Variants in FLNA observed in about 807,000 individuals in gnomAD.
FLNA encodes filamin-A.
A neutral mutation model predicts 157.6 loss-of-function variants in FLNA; 7 were observed. That is an observed-to-expected ratio of 0.04 (90% CI 0.03 to 0.08). The LOEUF is 0.08. Ranked by LOEUF, FLNA falls within the 10% of genes least tolerant of loss-of-function variation. FLNA has a pLI of 1.00. For missense variants in FLNA, 1,750 were observed against 2,398.4 expected (o/e 0.73, Z 5.65); for synonymous variants, 1,103 against 1,060.8 (o/e 1.04, Z -0.77).
chrX:154,365,407 G>A lies in FLNA; in HGVS notation c.1509C>T (p.Phe503=), dbSNP rs1603362631. The change falls in exon 10 of 48, where the codon TTC becomes TTT. Residue 503 remains phenylalanine (F), a synonymous_variant. Transcript: ENST00000369850. ...KGVRVKETAD[F]KVYTKGAGSG... ...TGCCAGCGCCCTTTGTGTACACCTT[G>A]AAGTCAGCTGTCTCCTTCACCCGCA... 8.3e-7 allele frequency: 1 copy of A among 1,211,655 alleles called. No homozygotes were observed. Among genetic ancestry groups the A allele is most frequent in the Non-Finnish European group, 1.1e-6 (1 of 895,415 alleles).
In FLNA at chrX:154,361,518, A is replaced by G. The variant is rs781991719; in HGVS notation, c.2997T>C (p.Gly999=). The change falls in exon 21 of 48, where the codon GGT becomes GGC. Residue 999 remains glycine (G), a synonymous_variant. Coordinates refer to ENST00000369850, the MANE Select transcript of FLNA (RefSeq NM_001110556.2). The stretch of plus-strand genomic sequence containing the variant: ...TCTTGGATGCCACTTTGCCTTGACC[A>G]CCAGCACCCTTTGATTTGACTGTGA... ...QEFTVKSKGA[G]GQGKVASKIV... is the part of the protein sequence containing the mutation. 2 of 1,211,380 alleles carry G rather than the reference A, an allele frequency of 1.7e-6. No homozygotes were observed. Among genetic ancestry groups the G allele is most frequent in the Non-Finnish European group, 2.2e-6 (2 of 895,348 alleles).
Position 154,350,984 on chromosome X carries a change from T to C in FLNA, c.7081A>G (p.Lys2361Glu). ...TGCACCTTGGCATCGATCGCCCCCT[T>C]GGCCCCGTTCAGGCTGACTGCAAAA... The part of the protein sequence containing the change: ...ASFAVSLNGA[K>E]GAIDAKVHSP... Residue 2361 changes from lysine (K) to glutamate (E), a missense_variant, in exon 44 of 48, where the codon AAG becomes GAG. Lys to Glu is a moderately conservative substitution (Grantham distance 56). Coordinates refer to ENST00000369850, the MANE Select transcript of FLNA (RefSeq NM_001110556.2). The C allele has an allele frequency of 1.7e-6, 2 of 1,211,353 alleles. No individual in the cohort carries two copies. Among genetic ancestry groups the C allele is most frequent in the Non-Finnish European group, 2.2e-6 (2 of 895,016 alleles).
At chrX:154,362,171 G>A (rs1189189575) in intron 18 of FLNA, 23 bp from the exon 19 acceptor site, 2 of 1,208,804 alleles carry the variant, frequency 1.7e-6, no homozygotes, top group Admixed American at 4.4e-5. Context: ...CAGGGACCAT[G>A]TAGGGGCACC....
chrX:154,365,530 C>T (rs375670624), intron 9 of FLNA, 44 bp from the exon 10 acceptor site: 6 of 1,197,513 alleles, frequency 5.0e-6, no homozygotes, highest in Non-Finnish European at 4.5e-6. Flanking sequence ...CTCGGCTGGG[C>T]GACCCCTCCC....
Position 154,352,231 on chromosome X carries a change from T to C in FLNA, c.6719A>G (p.Lys2240Arg), listed in dbSNP as rs797045581. 7 of 1,210,128 alleles carry C rather than the reference T, an allele frequency of 5.8e-6. No individual in the cohort carries two copies. The highest frequency in any genetic ancestry group is 1.7e-5 in the African/African-American group (1 of 57,585). The change falls in exon 41 of 48, where the codon AAG becomes AGG. Residue 2240 changes from lysine (K) to arginine (R), a missense_variant. Physicochemically the swap from Lys to Arg is conservative, Grantham distance 26. This residue lies in a region of FLNA where 970 missense variants were observed against 1,302.6 expected (regional missense o/e 0.74). Coordinates refer to ENST00000369850, the MANE Select transcript of FLNA (RefSeq NM_001110556.2). Reference protein sequence around the residue: ...VGPLGEGGAHKVRAGGPGLER... With the variant: ...VGPLGEGGAHRVRAGGPGLER... ...CAGGCCAGGGCCCCCAGCTCGGACC[T>C]TGTGGGCTCCCCCTTCCCCTAGGGG...
chrX:154,368,685 A>C (rs1330825841), intron 2 of FLNA, among the ~76,000 whole-genome samples: 5 of 112,103 alleles, frequency 4.5e-5, no homozygotes, highest in African/African-American at 1.6e-4. Context: ...CCCCGCCACC[A>C]CCCCCACTTC....
In FLNA at chrX:154,357,594, G is replaced by A. The variant is rs782499953; in HGVS notation, c.4785C>T (p.His1595=). 4.1e-6 allele frequency: 5 copies of A among 1,212,160 alleles called. No homozygotes were observed. The South Asian group carries it at 8.8e-5, about 21-fold the overall frequency. ...TDPEGKPKKT[H]IQDNHDGTYT... ...ACGTGCCGTCATGGTTGTCTTGGAT[G>A]TGTGTCTTCTTCGGCTTGCCTTCGG... is the stretch of plus-strand genomic sequence containing the variant. Residue 1595 remains histidine, a synonymous_variant, in exon 29 of 48, where the codon CAC becomes CAT. Transcript: ENST00000369850.
Position 154,359,292 on chromosome X carries a change from A to G in FLNA, c.4257T>C (p.Ala1419=). ...SCSVEYIPYE[A]GTYSLNVTYG... ...AGGTGACGTTGAGGCTGTAGGTGCC[A>G]GCCTCATAAGGGATGTACTCGACCG... The change falls in exon 25 of 48, where the codon GCT becomes GCC. Residue 1419 remains alanine, a synonymous_variant. Coordinates refer to ENST00000369850, the MANE Select transcript of FLNA (RefSeq NM_001110556.2). The G allele has an allele frequency of 8.3e-7, 1 of 1,211,379 alleles. No individual in the cohort carries two copies. The highest frequency in any genetic ancestry group is 1.1e-6 in the Non-Finnish European group (1 of 895,541).
rs782031641 is a variant in FLNA at position 154,354,221 on chromosome X, G to A, written c.5487C>T (p.Thr1829=). ...TITDNKDGTV[T]VRYAPSEAGL... is the part of the protein sequence containing the mutation. ...CAGCCTCGCTGGGTGCATACCGCAC[G>A]GTCACGGTGCCGTCTTTGTTGTCAG... Residue 1829 remains threonine, a synonymous_variant, in exon 34 of 48, where the codon ACC becomes ACT. Transcript: ENST00000369850. 14 of 1,210,654 alleles carry A rather than the reference G, an allele frequency of 1.2e-5. No individual in the cohort carries two copies. The highest frequency in any genetic ancestry group is 7.0e-5 in the South Asian group (4 of 56,929).
At position 154,349,390 on chromosome X, in the gene FLNA, G is replaced by T; in HGVS notation, c.7728C>A (p.Ser2576Arg). 1 of 1,211,826 alleles carries T rather than the reference G, an allele frequency of 8.3e-7. No individual in the cohort carries two copies. Among genetic ancestry groups the T allele is most frequent in the Non-Finnish European group, 1.1e-6 (1 of 895,431 alleles). ...CTTTGCTGCAGTCTACTGTGAAGCT[G>T]CTCTTCTGGCCTACGTAGGCCTTGC... ...GLSKAYVGQKSSFTVDCSKAG... is the reference protein window; with the variant it reads ...GLSKAYVGQKRSFTVDCSKAG... Residue 2576 changes from serine to arginine, a missense_variant, in exon 47 of 48, where the codon AGC becomes AGA. This residue lies in a region of FLNA where 970 missense variants were observed against 1,302.6 expected (regional missense o/e 0.74). Transcript: ENST00000369850.
Position 154,353,429 on chromosome X carries a change from T to C in FLNA, c.5889A>G (p.Leu1963=), listed in dbSNP as rs1473446997. The C allele has an allele frequency of 3.3e-6, 4 of 1,211,596 alleles. No individual in the cohort carries two copies. In the Admixed American group the frequency reaches 8.7e-5, roughly 26 times the overall value. Reference sequence around the variant, plus strand: ...GGATGTCGGCAGCAGAGCCGACCTTTAGGTGGGACATACGCATGGAGTCGT... The same window carrying C: ...GGATGTCGGCAGCAGAGCCGACCTTCAGGTGGGACATACGCATGGAGTCGT... ...TGDDSMRMSH[L]KVGSAADIPI... Residue 1963 remains leucine (L), a synonymous_variant, in exon 37 of 48, where the codon CTA becomes CTG. Transcript: ENST00000369850.
Position 154,371,189 on chromosome X carries a change from G to A in FLNA, c.57C>T (p.Gly19=). The A allele has an allele frequency of 4.2e-6, 5 of 1,193,498 alleles. No homozygotes were observed. Among genetic ancestry groups the A allele is most frequent in the Non-Finnish European group, 5.6e-6 (5 of 886,995 alleles). The change falls in exon 2 of 48, where the codon GGC becomes GGT. Residue 19 remains glycine, a synonymous_variant. Coordinates refer to ENST00000369850, the MANE Select transcript of FLNA (RefSeq NM_001110556.2). ...TCTCGGCGTCCCGCGTGTCGACGCC[G>A]CCGCCCGGAGCCGCGCCTGCTGCGC... ...GQSAAGAAPG[G]GVDTRDAEMP...
Position 154,358,576 on chromosome X carries a change from C to T in FLNA, c.4475-8G>A, listed in dbSNP as rs1424961378. On this transcript the variant is annotated splice_polypyrimidine_tract_variant and splice_region_variant and intron_variant, in intron 26 of 47. Coordinates refer to ENST00000369850, the MANE Select transcript of FLNA (RefSeq NM_001110556.2). ...CCACTGGCTCCACCAGGCCTGGCCC[C>T]AGCCCCAGGGACAGAGCATCAGCTA... is the stretch of plus-strand genomic sequence containing the variant. The T allele has an allele frequency of 1.7e-6, 2 of 1,207,226 alleles. No individual in the cohort carries two copies. Among genetic ancestry groups the T allele is most frequent in the Non-Finnish European group, 2.2e-6 (2 of 894,447 alleles).
In FLNA at chrX:154,350,890, G is replaced by A; in HGVS notation, c.7156+19C>T. The A allele has an allele frequency of 8.3e-7, 1 of 1,209,046 alleles. No individual in the cohort carries two copies. Among genetic ancestry groups the A allele is most frequent in the Non-Finnish European group, 1.1e-6 (1 of 893,046 alleles). The stretch of plus-strand genomic sequence containing the variant: ...TCCAGCCAGCAGGGCAGGGCGGCCG[G>A]GCAGGGACAGGGCCTCACCTTGGTC... On this transcript the variant is annotated intron_variant, in intron 44 of 47. Transcript: ENST00000369850.
intron 1 of FLNA, among the ~76,000 whole-genome samples, chrX:154,372,230 G>A (rs1344049215): frequency 8.8e-6 from 1 of 113,411 alleles, no homozygotes; most frequent in African/African-American, 3.2e-5. Context: ...GCAGAGACGT[G>A]TGCCCGCCTA....
Position 154,357,420 on chromosome X carries a change from G to T in FLNA, c.4945+14C>A. On this transcript the variant is annotated intron_variant, in intron 29 of 47. Transcript: ENST00000369850. Reference sequence around the variant, plus strand: ...GTGCCGAGCGCCGCAGCGGCCAACAGCGGGCGGGCTCACCTGTGACAGTGC... The same window carrying T: ...GTGCCGAGCGCCGCAGCGGCCAACATCGGGCGGGCTCACCTGTGACAGTGC... The T allele has an allele frequency of 8.3e-7, 1 of 1,205,161 alleles. No homozygotes were observed. Among genetic ancestry groups the T allele is most frequent in the Non-Finnish European group, 1.1e-6 (1 of 890,417 alleles).
chrX:154,353,785 C>T (rs2067641181), intron 35 of FLNA, 58 bp from the exon 36 acceptor site: 2 of 1,191,016 alleles, frequency 1.7e-6, no homozygotes, highest in African/African-American at 1.8e-5. Flanking sequence ...AGTTGGCCTG[C>T]ACTGAGGAGC....
chrX:154,368,228 G>A, intron 2 of FLNA, 138 bp from the exon 3 acceptor site: 1 of 899,798 alleles, frequency 1.1e-6, no homozygotes, highest in Non-Finnish European at 1.6e-6. Context: ...CCAGTGGTAG[G>A]ATGTGGATGA....
intron 2 of FLNA, among the ~76,000 whole-genome samples, chrX:154,369,492 T>C (rs1461753114): frequency 9.1e-6 from 1 of 109,747 alleles, no homozygotes; most frequent in Non-Finnish European, 1.9e-5. Context: ...TCTGGCTGGA[T>C]GGCCCCGCCC....
Sources: gnomAD v4.1 joint callset for allele counts (sites outside exome capture counted in the v4.1 genomes callset) on GRCh38, gnomAD v4.1.1 for gene constraint, gnomAD v4.1.1 regional missense constraint, MANE v1.5 for transcripts, NCBI Gene and HGNC (gene_info 2026-07-23, HGNC 2026-07-21) for gene names.